PDE10A: variants seen among roughly 807,000 people sequenced by gnomAD.
PDE10A encodes the protein phosphodiesterase 10A.
A neutral mutation model predicts 97.7 loss-of-function variants in PDE10A; 39 were observed. The observed-to-expected ratio is 0.40, with a 90% CI of 0.31 to 0.52. The LOEUF (loss-of-function observed/expected upper bound fraction) is 0.52, where lower values mean the gene tolerates loss of function less well. Ranked by LOEUF, PDE10A falls within the 20% of genes least tolerant of loss-of-function variation. The probability of loss-of-function intolerance (pLI) is 0.56; values close to 1 mark genes in which losing one functional copy is unlikely to be tolerated. For synonymous variants in PDE10A, 371 were observed against 376.8 expected (o/e 0.98, Z 0.18); for missense variants, 731 against 1,047.8 (o/e 0.70, Z 4.17).
rs114005592 is a variant in PDE10A, at chr6:165,513,407, C to T, written c.994+30033G>A. Among the ~76,000 whole-genome samples, 735 of 152,166 alleles carry T rather than the reference C, an allele frequency of 4.8e-3. 6 individuals carry two copies. Among genetic ancestry groups the T allele is most frequent in the African/African-American group, 0.017 (709 of 41,546 alleles). ...TCATCGATTTGTATGCCTATCTCTG[C>T]AGCAGTACAAAATAAACTAACATAC... On this transcript the variant is annotated intron_variant, in intron 2 of 21. Coordinates refer to ENST00000539869, the MANE Select transcript of PDE10A (RefSeq NM_001385079.1).
At position 165,431,284 on chromosome 6, in the gene PDE10A, T is replaced by C; in HGVS notation, c.1542+138A>G. On this transcript the variant is annotated intron_variant, in intron 8 of 21. Coordinates refer to ENST00000539869, the MANE Select transcript of PDE10A (RefSeq NM_001385079.1). ...GTAAATATAACTGATTAAGTTAAAA[T>C]TTCTAGAAATAACAGAAAATTGTAA... The C allele has an allele frequency of 1.6e-5, 8 of 500,430 alleles. No homozygotes were observed. In the South Asian group the frequency reaches 2.9e-4, roughly 18 times the overall value. 31.0% of individuals were successfully genotyped at this position (500,430 alleles called of 1,614,324 possible).
intron 16 of PDE10A, among the ~76,000 whole-genome samples, chr6:165,391,302 T>C (rs1055050666): frequency 5.3e-5 from 8 of 152,224 alleles, no homozygotes; most frequent in African/African-American, 1.9e-4. Context: ...AATGTAATGA[T>C]ATAATTCCAA....
intron 1 of PDE10A, among the ~76,000 whole-genome samples, chr6:165,596,504 G>C (rs1786604428): frequency 6.6e-6 from 1 of 152,178 alleles, no homozygotes; most frequent in Admixed American, 6.5e-5. Context: ...TGAGGTGAGA[G>C]GATCACCTGA....
chr6:165,895,123 G>C (rs7749915), intron 1 of PDE10A, among the ~76,000 whole-genome samples: 70,571 of 152,030 alleles, frequency 0.46, 16,624 homozygotes, highest in East Asian at 0.66. Context: ...TCTTGTTGAG[G>C]GTTGAATTTT....
At position 165,396,664 on chromosome 6, in the gene PDE10A, T is replaced by A. The variant is rs1025184549; in HGVS notation, c.2077-205A>T. On this transcript the variant is annotated intron_variant, in intron 13 of 21. Coordinates refer to ENST00000539869, the MANE Select transcript of PDE10A (RefSeq NM_001385079.1). Reference sequence around the variant, plus strand: ...AAGAAATGCTTTTTTTAAAAAATGGTATCTCTGCTTTACAAATTTTTATCA... The same window carrying A: ...AAGAAATGCTTTTTTTAAAAAATGGAATCTCTGCTTTACAAATTTTTATCA... Among the ~76,000 whole-genome samples, 4 of 152,186 alleles carry A rather than the reference T, an allele frequency of 2.6e-5. No homozygotes were observed. In the East Asian group the frequency reaches 7.7e-4, roughly 29 times the overall value.
intron 1 of PDE10A, among the ~76,000 whole-genome samples, chr6:165,764,709 C>G (rs1328828985): frequency 6.6e-6 from 1 of 152,274 alleles, no homozygotes; most frequent in Admixed American, 6.5e-5. Context: ...AGCTGCAGAC[C>G]TTCCCGGTGA....
At chr6:165,582,305 G>A (rs567944289) in intron 1 of PDE10A, among the ~76,000 whole-genome samples, 1 of 152,066 alleles carries the variant, frequency 6.6e-6, no homozygotes, top group African/African-American at 2.4e-5. Flanking sequence ...TGGAAATACA[G>A]GGCCCAAAAA....
At chr6:165,792,606 A>C (rs1354453564) in intron 1 of PDE10A, among the ~76,000 whole-genome samples, 2 of 151,950 alleles carry the variant, frequency 1.3e-5, no homozygotes. Flanking sequence ...CTTGCCCCAG[A>C]TTCCACCGGG....
intron 3 of PDE10A, among the ~76,000 whole-genome samples, chr6:165,465,674 T>C (rs1223316827): frequency 1.3e-5 from 2 of 152,156 alleles, no homozygotes; most frequent in Non-Finnish European, 2.9e-5. Context: ...GGAGAGAGAA[T>C]GAGTCCTGAG....
At chr6:165,557,396 C>T (rs1784309848) in intron 1 of PDE10A, among the ~76,000 whole-genome samples, 1 of 152,036 alleles carries the variant, frequency 6.6e-6, no homozygotes, top group African/African-American at 2.4e-5. Flanking sequence ...GAATAACAAC[C>T]ATAATTTCTT....
At chr6:165,462,399 C>T (rs1173681753) in intron 3 of PDE10A, among the ~76,000 whole-genome samples, 4 of 152,164 alleles carry the variant, frequency 2.6e-5, no homozygotes, top group Admixed American at 6.5e-5. Context: ...AGCAGAACAA[C>T]CGATTTGGTG....
intron 1 of PDE10A, among the ~76,000 whole-genome samples, chr6:165,924,558 C>G (rs1339246429): frequency 6.6e-6 from 1 of 151,748 alleles, no homozygotes; most frequent in African/African-American, 2.4e-5. Context: ...CCTAGTGGGA[C>G]AGAAGATCTC....
At chr6:165,973,799 A>G (rs697472) in intron 1 of PDE10A, among the ~76,000 whole-genome samples, 145,580 of 152,310 alleles carry the variant, frequency 0.96, 69,617 homozygotes, top group East Asian at 1. Context: ...ATACAGTAAC[A>G]TAGCTTTTCA....
intron 1 of PDE10A, among the ~76,000 whole-genome samples, chr6:165,972,655 G>C (rs1420526158): frequency 6.6e-6 from 1 of 152,104 alleles, no homozygotes. Flanking sequence ...TGAGATGCAG[G>C]TGCGTGCCCC....
At chr6:165,813,383 C>T (rs530728865) in intron 1 of PDE10A, among the ~76,000 whole-genome samples, 6 of 147,426 alleles carry the variant, frequency 4.1e-5, no homozygotes, top group South Asian at 4.4e-4. Flanking sequence ...TCATGGGAAC[C>T]GCATATGTTA....
At chr6:165,755,825 TG>T (rs1448639228) in intron 1 of PDE10A, among the ~76,000 whole-genome samples, 4 of 152,166 alleles carry the variant, frequency 2.6e-5, no homozygotes, top group African/African-American at 7.2e-5. Flanking sequence ...TGATAGGACT[TG>T]GGGGATAGTT....
intron 2 of PDE10A, among the ~76,000 whole-genome samples, chr6:165,490,144 C>T (rs549813055): frequency 2.4e-4 from 37 of 152,146 alleles, no homozygotes; most frequent in Non-Finnish European, 4.4e-4. Flanking sequence ...ACAGAGTCAT[C>T]GGATTATCTA....
At chr6:165,698,575 T>G (rs2128443197) in intron 1 of PDE10A, among the ~76,000 whole-genome samples, 1 of 152,288 alleles carries the variant, frequency 6.6e-6, no homozygotes, top group East Asian at 1.9e-4. Context: ...CTTGGCCAGA[T>G]GTGGTAGATC....
intron 1 of PDE10A, among the ~76,000 whole-genome samples, chr6:165,835,861 C>G (rs116972699): frequency 6.6e-6 from 1 of 152,076 alleles, no homozygotes; most frequent in Non-Finnish European, 1.5e-5. Flanking sequence ...AGTTGAGCCA[C>G]GATAAATTAT....
Sources: gnomAD v4.1 joint callset for allele counts (sites outside exome capture counted in the v4.1 genomes callset) on GRCh38, gnomAD v4.1.1 for gene constraint, MANE v1.5 for transcripts, NCBI Gene and HGNC (gene_info 2026-07-23, HGNC 2026-07-21) for gene names.